Variants in R3HDM1 observed in about 807,000 individuals in gnomAD.
R3HDM1 encodes R3H domain containing 1.
In R3HDM1, 46 loss-of-function variants were observed where a neutral mutation model predicts 141.1. The observed-to-expected ratio is 0.33, with a 90% CI of 0.26 to 0.42. The LOEUF (loss-of-function observed/expected upper bound fraction) is 0.42. Among genes scored for constraint, R3HDM1 ranks in the 10% least tolerant of loss-of-function variants. R3HDM1 has a pLI of 1.00. For missense variants in R3HDM1, 1,184 were observed against 1,368.3 expected, an observed-to-expected ratio of 0.87 and a Z score of 2.12; for synonymous variants, 435 against 472.9, an observed-to-expected ratio of 0.92 and a Z score of 1.04.
At chr2:135,674,611 A>G (rs922704107) in intron 19 of R3HDM1, among the ~76,000 whole-genome samples, 1 of 152,240 alleles carries the variant, frequency 6.6e-6, no homozygotes, top group African/African-American at 2.4e-5. Context: ...TTTACTTGAT[A>G]AAAGTAAATT....
At chr2:135,535,175 G>A (rs984731206) in intron 1 of R3HDM1, among the ~76,000 whole-genome samples, 1 of 151,976 alleles carries the variant, frequency 6.6e-6, no homozygotes, top group Non-Finnish European at 1.5e-5. Context: ...TTGCATATAG[G>A]GATAATAATT....
intron 1 of R3HDM1, among the ~76,000 whole-genome samples, chr2:135,556,781 G>A (rs956243120): frequency 7.2e-5 from 11 of 151,952 alleles, no homozygotes; most frequent in African/African-American, 2.7e-4. Flanking sequence ...GCCTCCCAAA[G>A]TGCTGGGATT....
chr2:135,699,105 T>TAGATAGATAGATAA (rs1332113353), intron 21 of R3HDM1, among the ~76,000 whole-genome samples: 1 of 73,690 alleles, frequency 1.4e-5, no homozygotes, highest in Admixed American at 1.7e-4. Flanking sequence ...ATAGATAGAT[T>TAGATAGATAGATAA]AGATATTCCA....
intron 21 of R3HDM1, among the ~76,000 whole-genome samples, chr2:135,697,882 C>T (rs2073498490): frequency 6.6e-6 from 1 of 151,684 alleles, no homozygotes; most frequent in African/African-American, 2.4e-5. Context: ...AGTGAAACCC[C>T]ATCTCTACCA....
At chr2:135,578,828 A>G (rs1706105966) in intron 1 of R3HDM1, among the ~76,000 whole-genome samples, 1 of 152,240 alleles carries the variant, frequency 6.6e-6, no homozygotes, top group Non-Finnish European at 1.5e-5. Flanking sequence ...AATGAAAGTC[A>G]GACTTCTCAT....
chr2:135,687,688 T>A (rs1331997798), intron 21 of R3HDM1, among the ~76,000 whole-genome samples: 1 of 152,226 alleles, frequency 6.6e-6, no homozygotes, highest in African/African-American at 2.4e-5. Flanking sequence ...TTAGTGTGAC[T>A]TTTTTCCTGA....
At chr2:135,703,111 A>T (rs1213721761) in intron 21 of R3HDM1, among the ~76,000 whole-genome samples, 2 of 152,152 alleles carry the variant, frequency 1.3e-5, no homozygotes, top group African/African-American at 4.8e-5. Flanking sequence ...CCTACCCTCC[A>T]ATTTCTCAAG....
At chr2:135,570,063 G>GT (rs935150652) in intron 1 of R3HDM1, among the ~76,000 whole-genome samples, 17 of 152,210 alleles carry the variant, frequency 1.1e-4, no homozygotes, top group Admixed American at 9.8e-4. Context: ...TGATCCATTT[G>GT]TTGTTTTCAT....
At chr2:135,571,124 T>C (rs573578022) in intron 1 of R3HDM1, among the ~76,000 whole-genome samples, 2 of 152,286 alleles carry the variant, frequency 1.3e-5, no homozygotes, top group East Asian at 1.9e-4. Flanking sequence ...ATAAAATGTT[T>C]GTTGAAAAAT....
At position 135,650,664 on chromosome 2, in the gene R3HDM1, C is replaced by T. The variant is rs947112405; in HGVS notation, c.1725+661C>T. The stretch of plus-strand genomic sequence containing the variant: ...CATTTTTTTTCCTTTTGACACCATT[C>T]ACTGAATTAGGCTAATAGTGTTAAA... On this transcript the variant is annotated intron_variant, in intron 17 of 26. Coordinates refer to ENST00000683871, the MANE Select transcript of R3HDM1 (RefSeq NM_001378107.1). 4.0e-5 allele frequency: 39 copies of T among 983,752 alleles called. 1 individual carries two copies. The highest frequency in any genetic ancestry group is 5.2e-4 in the Middle Eastern group (1 of 1,912). The allele number at this position is 983,752 out of a possible 1,614,324, so 60.9% of individuals were successfully genotyped here. A position where few individuals can be genotyped will look rare whatever the true frequency, so the allele number is the denominator to read the frequency against.
chr2:135,718,747 G>C (rs1037113922), intron 24 of R3HDM1, among the ~76,000 whole-genome samples: 1 of 152,136 alleles, frequency 6.6e-6, no homozygotes, highest in Non-Finnish European at 1.5e-5. Flanking sequence ...CTCCCAAAGT[G>C]CTGCGATTAC....
intron 1 of R3HDM1, among the ~76,000 whole-genome samples, chr2:135,539,085 A>G (rs1195246304): frequency 6.6e-6 from 1 of 152,216 alleles, no homozygotes; most frequent in Non-Finnish European, 1.5e-5. Context: ...AGAGACAATT[A>G]CACACATGAC....
intron 21 of R3HDM1, among the ~76,000 whole-genome samples, chr2:135,699,044 TAAGA>T (rs754931036): frequency 0.017 from 1,751 of 100,282 alleles, 60 homozygotes; most frequent in African/African-American, 0.053. Context: ...GATAGATAGA[TAAGA>T]TAGATAAGAT....
intron 1 of R3HDM1, among the ~76,000 whole-genome samples, chr2:135,553,854 C>T (rs1228472186): frequency 1.3e-5 from 2 of 152,200 alleles, no homozygotes; most frequent in Non-Finnish European, 2.9e-5. Flanking sequence ...CCACACCCGG[C>T]TAATTTTGTA....
At chr2:135,632,770 G>A (rs1309576020) in intron 9 of R3HDM1, among the ~76,000 whole-genome samples, 1 of 152,206 alleles carries the variant, frequency 6.6e-6, no homozygotes, top group Non-Finnish European at 1.5e-5. Context: ...AGTTTGATAT[G>A]AGGCAGCAAC....
At chr2:135,654,471 G>GTT (rs1476562680) in intron 18 of R3HDM1, among the ~76,000 whole-genome samples, 10 of 143,356 alleles carry the variant, frequency 7.0e-5, no homozygotes, top group African/African-American at 1.9e-4. Flanking sequence ...TTGTTGTTGA[G>GTT]ACAGAGTCTC....
intron 18 of R3HDM1, among the ~76,000 whole-genome samples, chr2:135,652,667 C>T (rs367902789): frequency 3.3e-5 from 5 of 152,234 alleles, no homozygotes; most frequent in African/African-American, 9.6e-5. Flanking sequence ...ATGAGTTGGG[C>T]ATTGTTCCCT....
chr2:135,708,365 A>T (rs945233530), intron 21 of R3HDM1, among the ~76,000 whole-genome samples: 2 of 152,226 alleles, frequency 1.3e-5, no homozygotes, highest in Non-Finnish European at 2.9e-5. Flanking sequence ...TTGCGTCATC[A>T]TACTGTCATT....
At chr2:135,569,642 C>T (rs553320585) in intron 1 of R3HDM1, among the ~76,000 whole-genome samples, 18 of 152,206 alleles carry the variant, frequency 1.2e-4, no homozygotes, top group Admixed American at 7.9e-4. Context: ...CTCAGTTTTC[C>T]CAGCTCAGAG....
Sources: allele counts gnomAD v4.1 joint callset (sites outside exome capture counted in the v4.1 genomes callset), GRCh38; gene constraint gnomAD v4.1.1; transcripts MANE v1.5; gene names NCBI Gene and HGNC (gene_info 2026-07-23, HGNC 2026-07-21).